ATP6V1C2: variants seen among roughly 807,000 people sequenced by gnomAD.
ATP6V1C2 encodes the protein V-type proton ATPase subunit C 2.
Under a neutral mutation model 56.8 loss-of-function variants are expected in ATP6V1C2, and 45 were observed. The ratio of observed to expected loss-of-function variants is 0.79; its 90% CI spans 0.62 to 1.02. ATP6V1C2 has a LOEUF of 1.02. Ranked by LOEUF, ATP6V1C2 falls within the 50% of genes least tolerant of loss-of-function variation. ATP6V1C2 has a pLI of 0.00. For synonymous variants in ATP6V1C2, 220 were observed against 201.3 expected, an observed-to-expected ratio of 1.09 and a Z score of -0.79; for missense variants, 463 against 519.7, an observed-to-expected ratio of 0.89 and a Z score of 1.06.
intron 4 of ATP6V1C2, among the ~76,000 whole-genome samples, chr2:10,759,867 G>A (rs1343623256): frequency 2.0e-5 from 3 of 152,112 alleles, no homozygotes; most frequent in Non-Finnish European, 2.9e-5. Context: ...ATATCAGGTC[G>A]CACAGCCAGT....
In ATP6V1C2 at chr2:10,783,511, C is replaced by CA; in HGVS notation, c.*248_*249insA. On this transcript the variant is annotated 3_prime_UTR_variant, in exon 14 of 14. Transcript: ENST00000272238. The stretch of plus-strand genomic sequence containing the variant: ...TTTACATAAATGCGAACTACCTGTT[C>CA]GCATTGGTAACCTGCTGCTGTATTT... 2.6e-6 allele frequency: 1 copy of CA among 380,064 alleles called. No individual in the cohort carries two copies. Among genetic ancestry groups the CA allele is most frequent in the Non-Finnish European group, 4.8e-6 (1 of 206,626 alleles). 23.5% of individuals were successfully genotyped at this position (380,064 alleles called of 1,614,324 possible). A position where few individuals can be genotyped will look rare whatever the true frequency, so the allele number is the denominator to read the frequency against.
rs533592139 is a variant in ATP6V1C2, at chr2:10,754,898, C to T, written c.283+832C>T. Among the ~76,000 whole-genome samples, 23 of 150,912 alleles carry T rather than the reference C, an allele frequency of 1.5e-4. 1 individual carries two copies. The highest frequency in any genetic ancestry group is 3.2e-4 in the Non-Finnish European group (22 of 67,698). On this transcript the variant is annotated intron_variant, in intron 4 of 13. Transcript: ENST00000272238. ...GGCCTATTATGATTATTTTCTGAGA[C>T]GTGGTCTTGCCCAGGCTGGAGTGCA...
At chr2:10,726,472 G>A in intron 2 of ATP6V1C2, 30 bp from the exon 3 acceptor site, 2 of 1,587,296 alleles carry the variant, frequency 1.3e-6, no homozygotes, top group Non-Finnish European at 8.7e-7. Flanking sequence ...AGAAACCTGT[G>A]AGCCTCTGAC....
chr2:10,778,439 C>G, intron 11 of ATP6V1C2, 133 bp from the exon 12 acceptor site: 1 of 791,078 alleles, frequency 1.3e-6, no homozygotes, highest in South Asian at 1.6e-5. Flanking sequence ...GCTGGTCTGA[C>G]CGACTCTCTG....
intron 6 of ATP6V1C2, among the ~76,000 whole-genome samples, chr2:10,770,660 A>G (rs1265787316): frequency 6.6e-6 from 1 of 152,228 alleles, no homozygotes; most frequent in African/African-American, 2.4e-5. Context: ...TCTTCGCTCA[A>G]CTGGTGAGGT....
chr2:10,738,806 C>G (rs986346902), intron 3 of ATP6V1C2, among the ~76,000 whole-genome samples: 4 of 152,156 alleles, frequency 2.6e-5, no homozygotes, highest in Non-Finnish European at 5.9e-5. Context: ...GACTTAAGCG[C>G]CTGGTGCTCA....
intron 10 of ATP6V1C2, among the ~76,000 whole-genome samples, chr2:10,775,387 A>G (rs1664899319): frequency 6.6e-6 from 1 of 152,158 alleles, no homozygotes; most frequent in South Asian, 2.1e-4. Context: ...AGTATGGAGA[A>G]ACTGAGGCTC....
At chr2:10,743,712 A>T (rs1053605003) in intron 3 of ATP6V1C2, among the ~76,000 whole-genome samples, 20 of 151,226 alleles carry the variant, frequency 1.3e-4, no homozygotes, top group Non-Finnish European at 2.5e-4. Flanking sequence ...AGACCGGGCG[A>T]GGTGGCTCAC....
intron 1 of ATP6V1C2, 76 bp from the exon 2 acceptor site, chr2:10,722,748 G>A: frequency 6.9e-7 from 1 of 1,456,592 alleles, no homozygotes; most frequent in African/African-American, 1.4e-5. Context: ...GGAGGGTAGG[G>A]AGTGGTGAGG....
At chr2:10,728,962 C>CA (rs1282538752) in intron 3 of ATP6V1C2, among the ~76,000 whole-genome samples, 64,124 of 112,646 alleles carry the variant, frequency 0.57, 20,507 homozygotes, top group Non-Finnish European at 0.76. Context: ...CATGAAAATA[C>CA]AAAAAAAAAA....
upstream of ATP6V1C2, chr2:10,720,991 T>C (rs1661328745): frequency 6.6e-6 from 1 of 152,276 alleles, no homozygotes. Context: ...TCTCTGATCG[T>C]CGTACGGTGA....
intron 4 of ATP6V1C2, among the ~76,000 whole-genome samples, chr2:10,755,324 C>T (rs1311640733): frequency 4.6e-5 from 7 of 151,606 alleles, no homozygotes; most frequent in African/African-American, 1.7e-4. Context: ...GCGTGAGCCA[C>T]CGTGCCTGGC....
At chr2:10,737,057 A>G (rs1662288311) in intron 3 of ATP6V1C2, among the ~76,000 whole-genome samples, 1 of 151,938 alleles carries the variant, frequency 6.6e-6, no homozygotes, top group South Asian at 2.1e-4. Flanking sequence ...TCAATTCTGC[A>G]ATTTTTAAAT....
At chr2:10,761,374 C>A (rs1213431505) in intron 4 of ATP6V1C2, among the ~76,000 whole-genome samples, 1 of 152,026 alleles carries the variant, frequency 6.6e-6, no homozygotes, top group Non-Finnish European at 1.5e-5. Flanking sequence ...CAATGGGGTC[C>A]TGGAGGTGAG....
intron 3 of ATP6V1C2, among the ~76,000 whole-genome samples, chr2:10,743,878 G>A (rs1361456057): frequency 8.6e-5 from 13 of 151,844 alleles, no homozygotes; most frequent in South Asian, 8.3e-4. Context: ...CCAGCTACTC[G>A]AGAGGCTGAG....
intron 3 of ATP6V1C2, among the ~76,000 whole-genome samples, chr2:10,732,534 A>G (rs1413114889): frequency 1.3e-5 from 2 of 151,946 alleles, no homozygotes; most frequent in East Asian, 3.9e-4. Flanking sequence ...TGTTGGGGTT[A>G]CGGGCGTGAG....
intron 3 of ATP6V1C2, among the ~76,000 whole-genome samples, chr2:10,741,362 G>A (rs1015160630): frequency 6.6e-6 from 1 of 152,212 alleles, no homozygotes; most frequent in African/African-American, 2.4e-5. Flanking sequence ...GTCCCTTGGT[G>A]GAGGAGGAAG....
At chr2:10,750,440 T>G (rs1364528779) in intron 3 of ATP6V1C2, among the ~76,000 whole-genome samples, 1 of 151,484 alleles carries the variant, frequency 6.6e-6, no homozygotes, top group Non-Finnish European at 1.5e-5. Context: ...CACTTGAACC[T>G]GGAAGGTGGA....
chr2:10,738,652 A>G (rs1662385550), intron 3 of ATP6V1C2, among the ~76,000 whole-genome samples: 1 of 152,038 alleles, frequency 6.6e-6, no homozygotes, highest in Admixed American at 6.6e-5. Context: ...TATTTTCACG[A>G]GCTTCAGGGG....
Sources: gnomAD v4.1 joint callset for allele counts (sites outside exome capture counted in the v4.1 genomes callset) on GRCh38, gnomAD v4.1.1 for gene constraint, MANE v1.5 for transcripts, NCBI Gene and HGNC (gene_info 2026-07-23, HGNC 2026-07-21) for gene names.